The following NPTXR variants were observed in gnomAD, a reference collection of about 807,000 sequenced individuals.
The protein encoded by NPTXR is neuronal pentraxin receptor.
In NPTXR, 12 loss-of-function variants were observed where a neutral mutation model predicts 32.2. That is an observed-to-expected ratio of 0.37 (90% CI 0.24 to 0.60). The LOEUF is 0.60. Among genes scored for constraint, NPTXR ranks in the 20% least tolerant of loss-of-function variants. The pLI is 0.66. For synonymous variants in NPTXR, 323 were observed against 315.8 expected, an observed-to-expected ratio of 1.02 and a Z score of -0.24; for missense variants, 612 against 682.9, an observed-to-expected ratio of 0.90 and a Z score of 1.16.
At position 38,826,535 on chromosome 22, in the gene NPTXR, C is replaced by T; in HGVS notation, c.1063G>A (p.Gly355Ser). 6.2e-7 allele frequency: 1 copy of T among 1,613,084 alleles called. No homozygotes were observed. Among genetic ancestry groups the T allele is most frequent in the Non-Finnish European group, 8.5e-7 (1 of 1,179,216 alleles). Residue 355 changes from glycine (G) to serine (S), a missense_variant, in exon 3 of 5, where the codon GGC (glycine) becomes AGC (serine). Physicochemically the swap from Gly to Ser is moderately conservative, Grantham distance 56. Coordinates refer to ENST00000333039, the MANE Select transcript of NPTXR (RefSeq NM_014293.4). Reference sequence around the variant, plus strand: ...ATCAGCAGCTCCATGGGCTCATGGCCCGCCTCTAGCAGTACAATCTCGTTG... The same window carrying T: ...ATCAGCAGCTCCATGGGCTCATGGCTCGCCTCTAGCAGTACAATCTCGTTG...
intron 1 of NPTXR, among the ~76,000 whole-genome samples, chr22:38,836,629 T>C (rs1456848652): frequency 6.6e-6 from 1 of 152,174 alleles, no homozygotes; most frequent in Admixed American, 6.5e-5. Flanking sequence ...CCAGGGAGCC[T>C]TCTGGGGGTG....
intron 1 of NPTXR, among the ~76,000 whole-genome samples, chr22:38,841,600 C>G (rs1052541983): frequency 3.9e-5 from 6 of 152,244 alleles, no homozygotes; most frequent in Non-Finnish European, 8.8e-5. Context: ...TGCCTAAAAC[C>G]TGTTTGTTCC....
intron 2 of NPTXR, among the ~76,000 whole-genome samples, chr22:38,827,545 T>C (rs958737130): frequency 6.6e-6 from 1 of 152,128 alleles, no homozygotes; most frequent in Non-Finnish European, 1.5e-5. Flanking sequence ...TGGATTTTCT[T>C]CTCCTGAACC....
Position 38,843,697 on chromosome 22 carries a change from G to T in NPTXR, c.162C>A (p.Gly54=), listed in dbSNP as rs2093135481. The T allele has an allele frequency of 4.0e-6, 4 of 997,306 alleles. No homozygotes were observed. In the African/African-American group the frequency reaches 5.3e-5, roughly 13 times the overall value. 61.8% of individuals were successfully genotyped at this position (997,306 alleles called of 1,614,324 possible). Residue 54 remains glycine (G), a synonymous_variant, in exon 1 of 5, where the codon GGC becomes GGA. Coordinates refer to ENST00000333039, the MANE Select transcript of NPTXR (RefSeq NM_014293.4). The surrounding 1 kb of genome is among the most constrained non-coding windows in gnomAD (Gnocchi z 5.3). The stretch of plus-strand genomic sequence containing the variant: ...GCAGCGCGCTCAGGCTCCGCTGCGG[G>T]CCCGGGGACGCGGCGGCGCCCGAGG...
chr22:38,840,167 G>A (rs923820352), intron 1 of NPTXR, among the ~76,000 whole-genome samples: 3 of 152,198 alleles, frequency 2.0e-5, no homozygotes, highest in Admixed American at 2.0e-4. Context: ...GGGTGGTGAT[G>A]CAGGGATGTG....
rs2093110296 is a variant in NPTXR at position 38,828,145 on chromosome 22, TTCTC to T, written c.850+138_850+141del. The T allele has an allele frequency of 6.1e-6, 4 of 650,700 alleles. No individual in the cohort carries two copies. In the East Asian group the frequency reaches 1.1e-4, roughly 17 times the overall value. 40.3% of individuals were successfully genotyped at this position (650,700 alleles called of 1,614,324 possible). A position where few individuals can be genotyped will look rare whatever the true frequency, so the allele number is the denominator to read the frequency against. ...TAATGATAACAATATCCCCCAATGA[TTCTC>T]TCCACTGTGTGTTCCACAGCCTCCT... is the stretch of plus-strand genomic sequence containing the variant. On this transcript the variant is annotated intron_variant, in intron 2 of 4. Transcript: ENST00000333039.
chr22:38,832,436 G>A (rs2093117785), intron 1 of NPTXR, among the ~76,000 whole-genome samples: 1 of 152,240 alleles, frequency 6.6e-6, no homozygotes, highest in African/African-American at 2.4e-5. Flanking sequence ...AGTCCGGGGT[G>A]GGGTTTGGCG....
At position 38,819,056 on chromosome 22, in the gene NPTXR, C is replaced by A. The variant is rs1382313068; in HGVS notation, c.*3553G>T. 6.6e-6 allele frequency: 1 copy of A among 152,240 alleles called. No homozygotes were observed. The highest frequency in any genetic ancestry group is 1.5e-5 in the Non-Finnish European group (1 of 68,082). The allele number at this position is 152,240 out of a possible 1,614,324, so 9.4% of individuals were successfully genotyped here. On this transcript the variant is annotated 3_prime_UTR_variant, in exon 5 of 5. Coordinates refer to ENST00000333039, the MANE Select transcript of NPTXR (RefSeq NM_014293.4). ...TTCTCAGAGCCCTTCCTGTCCAAAT[C>A]TGTGGTCCCAGGTGATGCAAAGTGG...
intron 3 of NPTXR, among the ~76,000 whole-genome samples, chr22:38,825,117 C>T (rs182514313): frequency 6.6e-6 from 1 of 152,202 alleles, no homozygotes; most frequent in Non-Finnish European, 1.5e-5. Flanking sequence ...TCCCCTTCCT[C>T]TCCCCTCAAT....
chr22:38,821,805 C>A lies in NPTXR; in HGVS notation c.*804G>T. 1 of 153,154 alleles carries A rather than the reference C, an allele frequency of 6.5e-6. No individual in the cohort carries two copies. The highest frequency in any genetic ancestry group is 1.5e-5 in the Non-Finnish European group (1 of 68,394). The allele number at this position is 153,154 out of a possible 1,614,324, so 9.5% of individuals were successfully genotyped here. A position where few individuals can be genotyped will look rare whatever the true frequency, so the allele number is the denominator to read the frequency against. On this transcript the variant is annotated 3_prime_UTR_variant, in exon 5 of 5. Transcript: ENST00000333039. ...CTCTACCTTAGGGCTGCTCCCAGCC[C>A]AGGCTGAAGCGGTCCAAGTCCTGTC...
chr22:38,826,940 T>G (rs1365616439), intron 2 of NPTXR, among the ~76,000 whole-genome samples, 193 bp from the exon 3 acceptor site: 1 of 152,180 alleles, frequency 6.6e-6, no homozygotes, highest in African/African-American at 2.4e-5. Flanking sequence ...ACCTTAGATG[T>G]CCTGAGACCA....
intron 3 of NPTXR, among the ~76,000 whole-genome samples, chr22:38,825,952 C>T (rs1421046051): frequency 6.6e-6 from 1 of 151,872 alleles, no homozygotes; most frequent in East Asian, 1.9e-4. Flanking sequence ...TGGCCATTCT[C>T]CTGCCTCAGC....
Position 38,822,531 on chromosome 22 carries a change from C to T in NPTXR, c.*78G>A. The stretch of plus-strand genomic sequence containing the variant: ...GCAGGAGGGAAGGCCAGTGCGTGGG[C>T]AGGCTGAGGAGGGAATATGACCCCC... On this transcript the variant is annotated 3_prime_UTR_variant, in exon 5 of 5. Transcript: ENST00000333039. 7.8e-7 allele frequency: 1 copy of T among 1,289,146 alleles called. No homozygotes were observed. The highest frequency in any genetic ancestry group is 1.1e-6 in the Non-Finnish European group (1 of 915,284). 79.9% of individuals were successfully genotyped at this position (1,289,146 alleles called of 1,614,324 possible). A position where few individuals can be genotyped will look rare whatever the true frequency, so the allele number is the denominator to read the frequency against.
At position 38,823,247 on chromosome 22, in the gene NPTXR, G is replaced by A; in HGVS notation, c.1114C>T (p.Leu372=). The A allele has an allele frequency of 6.2e-7, 1 of 1,612,008 alleles. No homozygotes were observed. Among genetic ancestry groups the A allele is most frequent in the Non-Finnish European group, 8.5e-7 (1 of 1,180,006 alleles). The change falls in exon 4 of 5, where the codon CTG becomes TTG. Residue 372 remains leucine, a synonymous_variant. Coordinates refer to ENST00000333039, the MANE Select transcript of NPTXR (RefSeq NM_014293.4). ...TGCCAGCCATTGTCCTTCAGGCTCA[G>A]GGGCAGCTGGGCCACCTGGACACAG...
In NPTXR at chr22:38,821,512, A is replaced by G. The variant is rs1036348000; in HGVS notation, c.*1097T>C. 2.0e-5 allele frequency: 3 copies of G among 152,412 alleles called. No homozygotes were observed. Among genetic ancestry groups the G allele is most frequent in the Non-Finnish European group, 4.4e-5 (3 of 68,190 alleles). 9.4% of individuals were successfully genotyped at this position (152,412 alleles called of 1,614,324 possible). ...CACCTGGAATCACAGAGAAGCTCAC[A>G]CCCAATCTGGAGAGCAAATGACCAA... On this transcript the variant is annotated 3_prime_UTR_variant, in exon 5 of 5. Coordinates refer to ENST00000333039, the MANE Select transcript of NPTXR (RefSeq NM_014293.4).
At chr22:38,841,485 A>G (rs2093131571) in intron 1 of NPTXR, among the ~76,000 whole-genome samples, 1 of 152,262 alleles carries the variant, frequency 6.6e-6, no homozygotes, top group Admixed American at 6.5e-5. Context: ...CAGACGTGGG[A>G]GGAGCCACCT....
chr22:38,837,749 G>A (rs1319506344), intron 1 of NPTXR, among the ~76,000 whole-genome samples: 1 of 152,138 alleles, frequency 6.6e-6, no homozygotes, highest in Non-Finnish European at 1.5e-5. Flanking sequence ...AGAAAACCAA[G>A]GCACCAAGAG....
chr22:38,824,997 TG>T (rs1481761694), intron 3 of NPTXR, among the ~76,000 whole-genome samples: 3 of 152,202 alleles, frequency 2.0e-5, no homozygotes, highest in Admixed American at 6.5e-5. Context: ...GTACGATATG[TG>T]GTATCTGCAT....
intron 1 of NPTXR, among the ~76,000 whole-genome samples, chr22:38,835,754 G>T (rs1173909734): frequency 6.6e-6 from 1 of 152,146 alleles, no homozygotes; most frequent in African/African-American, 2.4e-5. Flanking sequence ...GCTTGGTCTT[G>T]ACTCAGCCTC....
Sources: allele counts gnomAD v4.1 joint callset (sites outside exome capture counted in the v4.1 genomes callset), GRCh38; gene constraint gnomAD v4.1.1; non-coding constraint Gnocchi (gnomAD v3.1); transcripts MANE v1.5; gene names NCBI Gene and HGNC (gene_info 2026-07-23, HGNC 2026-07-21).